The following CNNM1 variants were observed in gnomAD, a reference collection of about 807,000 sequenced individuals.
The protein encoded by CNNM1 is metal transporter CNNM1.
A neutral mutation model predicts 78.8 loss-of-function variants in CNNM1; 44 were observed. That is an observed-to-expected ratio of 0.56 (90% CI 0.44 to 0.72). The LOEUF (loss-of-function observed/expected upper bound fraction) is 0.72. Among genes scored for constraint, CNNM1 ranks in the 30% least tolerant of loss-of-function variants. The pLI is 0.00. For missense variants in CNNM1, 1,101 were observed against 1,292.2 expected (o/e 0.85, Z 2.27); for synonymous variants, 584 against 581.5 (o/e 1.00, Z -0.06).
Position 99,377,200 on chromosome 10 carries a change from C to T in CNNM1, c.2322C>T (p.Ser774=), listed in dbSNP as rs1218481323. 1.2e-5 allele frequency: 19 copies of T among 1,613,598 alleles called. No homozygotes were observed. Among genetic ancestry groups the T allele is most frequent in the Non-Finnish European group, 1.5e-5 (18 of 1,179,746 alleles). Residue 774 remains serine, a synonymous_variant, in exon 7 of 11, where the codon AGC becomes AGT. Transcript: ENST00000356713. ...CTGACTACTCAGTCCACATCCTCAG[C>T]GATGTGCAGTTTGTGAAGGTAACTC... ...YMPDYSVHIL[S]DVQFVKITRQ... is the part of the protein sequence containing the mutation.
chr10:99,362,529 A>G (rs1403297190), intron 4 of CNNM1, 133 bp downstream of exon 4: 1 of 823,036 alleles, frequency 1.2e-6, no homozygotes, highest in Non-Finnish European at 1.9e-6. Context: ...AGCTGGGTGG[A>G]CATTTCTTCA....
rs766498265 is a variant in CNNM1 at position 99,330,107 on chromosome 10, C to T, written c.720C>T (p.Ser240=). 133 of 1,549,778 alleles carry T rather than the reference C, an allele frequency of 8.6e-5. No individual in the cohort carries two copies. The highest frequency in any genetic ancestry group is 1.0e-4 in the Non-Finnish European group (120 of 1,155,294). ...LLLLALSALF[S]GLRLSLLSLD... ...TGCTAGCCTTGTCGGCCCTGTTCAG[C>T]GGCCTGCGCCTGAGCCTGCTGTCGC... The change falls in exon 1 of 11, where the codon AGC becomes AGT. Residue 240 remains serine, a synonymous_variant. Coordinates refer to ENST00000356713, the MANE Select transcript of CNNM1 (RefSeq NM_020348.3).
chr10:99,365,235 G>C (rs79414768), intron 6 of CNNM1: 22,712 of 614,770 alleles, frequency 0.037, 538 homozygotes, highest in East Asian at 0.083. Context: ...CACATGGTTG[G>C]GGGGATGCAG....
At chr10:99,376,990 T>TC in intron 6 of CNNM1, 65 bp from the exon 7 acceptor site, 1 of 866,126 alleles carries the variant, frequency 1.2e-6, no homozygotes, top group Non-Finnish European at 1.8e-6. Flanking sequence ...CCTGTCTCCC[T>TC]CCCTCCCCCT....
intron 4 of CNNM1, among the ~76,000 whole-genome samples, chr10:99,363,428 T>G (rs1208816823): frequency 6.6e-6 from 1 of 152,192 alleles, no homozygotes; most frequent in Non-Finnish European, 1.5e-5. Context: ...GGTTTTCAAA[T>G]AAAACATGGA....
chr10:99,368,354 T>C (rs1265535589), intron 6 of CNNM1: 4 of 324,562 alleles, frequency 1.2e-5, no homozygotes, highest in African/African-American at 2.2e-5. Context: ...CTTGTGCTTG[T>C]ACATCTGATT....
At chr10:99,373,783 C>G (rs558359007) in intron 6 of CNNM1, among the ~76,000 whole-genome samples, 56 of 152,274 alleles carry the variant, frequency 3.7e-4, no homozygotes, top group Admixed American at 1.2e-3. Flanking sequence ...TTAGCTCCCA[C>G]TTACAAGGGA....
At position 99,330,220 on chromosome 10, in the gene CNNM1, G is replaced by A. The variant is rs1239159147; in HGVS notation, c.833G>A (p.Arg278Lys). The A allele has an allele frequency of 1.3e-6, 2 of 1,519,930 alleles. No individual in the cohort carries two copies. The highest frequency in any genetic ancestry group is 1.7e-4 in the Middle Eastern group (1 of 5,808). 94.2% of individuals were successfully genotyped at this position (1,519,930 alleles called of 1,614,324 possible). A position where few individuals can be genotyped will look rare whatever the true frequency, so the allele number is the denominator to read the frequency against. The change falls in exon 1 of 11, where the codon AGG (arginine) becomes AAG (lysine). Residue 278 changes from arginine (R) to lysine (K), a missense_variant. Arg to Lys is a conservative substitution (Grantham distance 26). Transcript: ENST00000356713. The stretch of plus-strand genomic sequence containing the variant: ...CGCCGCGTGCAGGCCGTTCGCGGCA[G>A]GGGGACCCATCTGCTCTGCACCCTA... ...QARRVQAVRG[R>K]GTHLLCTLLL...
intron 1 of CNNM1, among the ~76,000 whole-genome samples, chr10:99,347,826 G>T (rs1457620576): frequency 2.0e-5 from 3 of 150,342 alleles, no homozygotes; most frequent in Admixed American, 6.6e-5. Context: ...CTGTTCTACT[G>T]CAGAGATCTC....
intron 1 of CNNM1, among the ~76,000 whole-genome samples, chr10:99,336,909 A>G (rs760423216): frequency 6.6e-6 from 1 of 152,076 alleles, no homozygotes; most frequent in Non-Finnish European, 1.5e-5. Flanking sequence ...ATGCCACTGA[A>G]CTCCAGTGGC....
At chr10:99,345,161 T>C (rs2030638886) in intron 1 of CNNM1, among the ~76,000 whole-genome samples, 1 of 152,186 alleles carries the variant, frequency 6.6e-6, no homozygotes, top group Admixed American at 6.5e-5. Context: ...ATATTAGTAA[T>C]AACAACCCCC....
chr10:99,332,510 T>A (rs961335216), intron 1 of CNNM1, among the ~76,000 whole-genome samples: 1 of 149,148 alleles, frequency 6.7e-6, no homozygotes, highest in African/African-American at 2.5e-5. Context: ...AGCAAGACCC[T>A]GTCTCAAAAA....
intron 1 of CNNM1, among the ~76,000 whole-genome samples, chr10:99,347,558 A>T (rs1053365128): frequency 5.1e-5 from 2 of 38,976 alleles, no homozygotes; most frequent in Non-Finnish European, 1.4e-4. Context: ...CATAAGTCAG[A>T]TCATGTCACC....
intron 1 of CNNM1, among the ~76,000 whole-genome samples, chr10:99,347,203 A>C: frequency 6.6e-6 from 1 of 152,114 alleles, no homozygotes; most frequent in Non-Finnish European, 1.5e-5. Context: ...AGAAAAAAAA[A>C]ACACAGCAGC....
chr10:99,387,461 C>T (rs2032338579), intron 7 of CNNM1, among the ~76,000 whole-genome samples: 1 of 152,188 alleles, frequency 6.6e-6, no homozygotes, highest in South Asian at 2.1e-4. Context: ...ACCAAGTCAC[C>T]CCCGACTGAC....
chr10:99,352,353 T>G (rs1005894398), intron 1 of CNNM1, among the ~76,000 whole-genome samples: 3 of 152,252 alleles, frequency 2.0e-5, no homozygotes, highest in Admixed American at 1.3e-4. Context: ...TAACACATTT[T>G]GTTTGGAAAC....
At chr10:99,355,463 C>T (rs543615829) in intron 1 of CNNM1, among the ~76,000 whole-genome samples, 3 of 152,226 alleles carry the variant, frequency 2.0e-5, no homozygotes, top group African/African-American at 7.2e-5. Context: ...AAAGCATGAA[C>T]TTGCTTTTTA....
At chr10:99,386,970 T>A (rs2032325691) in intron 7 of CNNM1, among the ~76,000 whole-genome samples, 1 of 152,188 alleles carries the variant, frequency 6.6e-6, no homozygotes, top group Non-Finnish European at 1.5e-5. Flanking sequence ...ACCATTTCCC[T>A]TCTTCCCCCA....
At chr10:99,340,354 T>C (rs2134018778) in intron 1 of CNNM1, among the ~76,000 whole-genome samples, 1 of 152,350 alleles carries the variant, frequency 6.6e-6, no homozygotes. Flanking sequence ...CAGCCTTCAC[T>C]GTCAAACCTG....
Sources: allele counts gnomAD v4.1 joint callset (sites outside exome capture counted in the v4.1 genomes callset), GRCh38; gene constraint gnomAD v4.1.1; transcripts MANE v1.5; gene names NCBI Gene and HGNC (gene_info 2026-07-23, HGNC 2026-07-21).